The following WDR25 variants were observed in gnomAD, a reference collection of about 807,000 sequenced individuals.
The protein encoded by WDR25 is WD repeat domain 25.
WDR25 carries 35 observed loss-of-function variants against 47.7 expected under a neutral mutation model. That is an observed-to-expected ratio of 0.73 (90% confidence interval 0.56 to 0.97). The LOEUF is 0.97. WDR25 is among the 50% of genes least tolerant of loss of function. The probability of loss-of-function intolerance (pLI) is 0.00; values close to 1 mark genes in which losing one functional copy is unlikely to be tolerated. For missense variants in WDR25, 634 were observed against 704.7 expected, an observed-to-expected ratio of 0.90 and a Z score of 1.14; for synonymous variants, 248 against 278.9, an observed-to-expected ratio of 0.89 and a Z score of 1.10.
At chr14:100,390,075 C>G (rs1194123530) in intron 2 of WDR25, among the ~76,000 whole-genome samples, 1 of 152,126 alleles carries the variant, frequency 6.6e-6, no homozygotes, top group Non-Finnish European at 1.5e-5. Flanking sequence ...TGTATTTCTG[C>G]TGTCATAAAC....
Position 100,440,364 on chromosome 14 carries a change from C to T in WDR25, c.823-27657C>T, listed in dbSNP as rs559261612. ...TCAGGGAGCCCTTCGGCCACGGCAG[C>T]GGGGTGGCGCCAGACACCTGGCTTT... On this transcript the variant is annotated intron_variant, in intron 2 of 6. Coordinates refer to ENST00000402312, the MANE Select transcript of WDR25 (RefSeq NM_001161476.3). This position sits in a 1 kb window ranked among gnomAD's most constrained non-coding sequence, Gnocchi z 4.4. Among the ~76,000 whole-genome samples the T allele has an allele frequency of 1.2e-4, 19 of 152,370 alleles. No individual in the cohort carries two copies. Among genetic ancestry groups the T allele is most frequent in the East Asian group, 1.9e-4 (1 of 5,188 alleles).
In WDR25 at chr14:100,525,187, T is replaced by C. The variant is rs1445197136; in HGVS notation, c.1102-683T>C. Reference sequence around the variant, plus strand: ...GTTAAGTGGAGCTACTTGCTGGTCCTGGTACTGGGACCCTTCTCCATCCCC... The same window carrying C: ...GTTAAGTGGAGCTACTTGCTGGTCCCGGTACTGGGACCCTTCTCCATCCCC... On this transcript the variant is annotated intron_variant, in intron 4 of 6. Coordinates refer to ENST00000402312, the MANE Select transcript of WDR25 (RefSeq NM_001161476.3). This position sits in a 1 kb window ranked among gnomAD's most constrained non-coding sequence, Gnocchi z 4.6. Among the ~76,000 whole-genome samples, 1 of 152,208 alleles carries C rather than the reference T, an allele frequency of 6.6e-6. No homozygotes were observed. The highest frequency in any genetic ancestry group is 1.5e-5 in the Non-Finnish European group (1 of 68,042).
Position 100,407,733 on chromosome 14 carries a change from C to A in WDR25, c.822+25987C>A, listed in dbSNP as rs1897584525. On this transcript the variant is annotated intron_variant, in intron 2 of 6. Coordinates refer to ENST00000402312, the MANE Select transcript of WDR25 (RefSeq NM_001161476.3). The surrounding 1 kb of genome is among the most constrained non-coding windows in gnomAD (Gnocchi z 4.1). ...GGGACCATAGTTTCACACTTCAGTG[C>A]CTAAACAGGCCCTGACACCCAGTTT... is the stretch of plus-strand genomic sequence containing the variant. 6.6e-6 allele frequency: 1 copy of A among 152,222 alleles called. No homozygotes were observed. The highest frequency in any genetic ancestry group is 1.5e-5 in the Non-Finnish European group (1 of 68,042). 9.4% of individuals were successfully genotyped at this position (152,222 alleles called of 1,614,324 possible).
chr14:100,411,124 C>A (rs1046297484), intron 2 of WDR25, among the ~76,000 whole-genome samples: 11 of 152,104 alleles, frequency 7.2e-5, no homozygotes, highest in Non-Finnish European at 1.2e-4. Context: ...TAATTGGTTT[C>A]AAATATTTAC....
rs1378700166 is a variant in WDR25, at chr14:100,392,087, G to T, written c.822+10341G>T. 2.6e-5 allele frequency among the ~76,000 whole-genome samples: 4 copies of T among 151,092 alleles called. No homozygotes were observed. The highest frequency in any genetic ancestry group is 2.0e-4 in the Admixed American group (3 of 14,964). On this transcript the variant is annotated intron_variant, in intron 2 of 6. Transcript: ENST00000402312. The surrounding 1 kb of genome is among the most constrained non-coding windows in gnomAD (Gnocchi z 4.2). The stretch of plus-strand genomic sequence containing the variant: ...AAGAATGTGCTATTTCTGTTAACAT[G>T]TGGGGGGTTTGTTACTGTTACTTTT...
rs1445287665 is a variant in WDR25, at chr14:100,500,510, T to C, written c.1101+16386T>C. 6.6e-6 allele frequency among the ~76,000 whole-genome samples: 1 copy of C among 152,176 alleles called. No individual in the cohort carries two copies. The highest frequency in any genetic ancestry group is 1.5e-5 in the Non-Finnish European group (1 of 68,036). ...TGCACCACAAAGTGGCCTTTTTTGG[T>C]CCCTGTTGACCCTGTGCCTCATTAG... On this transcript the variant is annotated intron_variant, in intron 4 of 6. Coordinates refer to ENST00000402312, the MANE Select transcript of WDR25 (RefSeq NM_001161476.3). The surrounding 1 kb of genome is among the most constrained non-coding windows in gnomAD (Gnocchi z 4.7).
rs150038711 is a variant in WDR25 at position 100,411,588 on chromosome 14, G to A, written c.822+29842G>A. On this transcript the variant is annotated intron_variant, in intron 2 of 6. Transcript: ENST00000402312. ...GTCTTGCTCTGTCACCCAGGCTGGA[G>A]TGCAATGGTGCAGTCTTGGCTCACT... Among the ~76,000 whole-genome samples, 1,062 of 151,126 alleles carry A rather than the reference G, an allele frequency of 7.0e-3. 13 individuals are homozygous for A. The highest frequency in any genetic ancestry group is 0.024 in the African/African-American group (1,001 of 41,148).
At position 100,519,658 on chromosome 14, in the gene WDR25, A is replaced by AAG. The variant is rs539706235; in HGVS notation, c.1102-6212_1102-6211insAG. Reference sequence around the variant, plus strand: ...TTTGTATCATATATGTAGTCTATATATATACACATATAGTCTATATATAAC... The same window carrying AAG: ...TTTGTATCATATATGTAGTCTATATAAGTATACACATATAGTCTATATATAAC... On this transcript the variant is annotated intron_variant, in intron 4 of 6. Transcript: ENST00000402312. Among the ~76,000 whole-genome samples, 322 of 146,988 alleles carry AAG rather than the reference A, an allele frequency of 2.2e-3. 1 individual carries two copies. The highest frequency in any genetic ancestry group is 7.9e-3 in the African/African-American group (318 of 40,306).
chr14:100,514,559 A>T (rs1447961994), intron 4 of WDR25, among the ~76,000 whole-genome samples: 1 of 151,824 alleles, frequency 6.6e-6, no homozygotes, highest in African/African-American at 2.4e-5. Flanking sequence ...TTGTTTTTTT[A>T]AAATGATTGT....
In WDR25 at chr14:100,430,314, T is replaced by C. The variant is rs142596655; in HGVS notation, c.823-37707T>C. On this transcript the variant is annotated intron_variant, in intron 2 of 6. Coordinates refer to ENST00000402312, the MANE Select transcript of WDR25 (RefSeq NM_001161476.3). The surrounding 1 kb of genome is among the most constrained non-coding windows in gnomAD (Gnocchi z 4.7). The stretch of plus-strand genomic sequence containing the variant: ...CCGGACCTCCTGCTTCCTGATCTCC[T>C]CAGCCCTTTGGGGAAATGGAGGAAT... Among the ~76,000 whole-genome samples the C allele has an allele frequency of 2.1e-4, 32 of 152,220 alleles. No homozygotes were observed. Among genetic ancestry groups the C allele is most frequent in the African/African-American group, 7.7e-4 (32 of 41,528 alleles).
At chr14:100,520,668 C>T (rs1039289136) in intron 4 of WDR25, among the ~76,000 whole-genome samples, 1 of 152,254 alleles carries the variant, frequency 6.6e-6, no homozygotes, top group Admixed American at 6.5e-5. Flanking sequence ...TGGAAGAAGA[C>T]AATGCATTTA....
At chr14:100,507,600 C>T (rs1901155339) in intron 4 of WDR25, among the ~76,000 whole-genome samples, 1 of 149,244 alleles carries the variant, frequency 6.7e-6, no homozygotes, top group Non-Finnish European at 1.5e-5. Flanking sequence ...TTGTAGTTCT[C>T]CTTGTAGAGA....
At chr14:100,427,349 T>C (rs1285556598) in intron 2 of WDR25, among the ~76,000 whole-genome samples, 2 of 152,174 alleles carry the variant, frequency 1.3e-5, no homozygotes, top group Admixed American at 1.3e-4. Flanking sequence ...GCAGCACTTA[T>C]CTGTCCCGCT....
intron 4 of WDR25, among the ~76,000 whole-genome samples, chr14:100,522,228 TA>T (rs1369330310): frequency 2.0e-5 from 3 of 152,198 alleles, no homozygotes; most frequent in Non-Finnish European, 4.4e-5. Flanking sequence ...CATCCCAAAG[TA>T]TTTTTTTTTA....
chr14:100,394,558 C>G (rs938737512), intron 2 of WDR25, among the ~76,000 whole-genome samples: 2 of 152,180 alleles, frequency 1.3e-5, no homozygotes, highest in African/African-American at 4.8e-5. Context: ...GCCCTGGGAT[C>G]AGAGGGGACC....
At chr14:100,475,318 C>T (rs916353548) in intron 3 of WDR25, among the ~76,000 whole-genome samples, 1 of 152,310 alleles carries the variant, frequency 6.6e-6, no homozygotes, top group African/African-American at 2.4e-5. Flanking sequence ...TGGAAGGGAT[C>T]TCTGCACCCC....
intron 4 of WDR25, among the ~76,000 whole-genome samples, chr14:100,485,761 G>T (rs532366039): frequency 6.6e-6 from 1 of 152,170 alleles, no homozygotes; most frequent in Non-Finnish European, 1.5e-5. Flanking sequence ...TTCCAAATTT[G>T]CCTTCTTGCT....
chr14:100,512,351 T>A (rs1029976800), intron 4 of WDR25, among the ~76,000 whole-genome samples: 4 of 152,202 alleles, frequency 2.6e-5, no homozygotes, highest in African/African-American at 9.6e-5. Flanking sequence ...AAGAAATTTG[T>A]CCATTTCATC....
At chr14:100,490,636 G>A (rs1214986557) in intron 4 of WDR25, among the ~76,000 whole-genome samples, 1 of 152,228 alleles carries the variant, frequency 6.6e-6, no homozygotes, top group Non-Finnish European at 1.5e-5. Flanking sequence ...TGATTCTAAT[G>A]TATAGCCAGA....
Sources: gnomAD v4.1 joint callset for allele counts (sites outside exome capture counted in the v4.1 genomes callset) on GRCh38, gnomAD v4.1.1 for gene constraint, Gnocchi (gnomAD v3.1) non-coding constraint, MANE v1.5 for transcripts, NCBI Gene and HGNC (gene_info 2026-07-23, HGNC 2026-07-21) for gene names.